Variants in PTPRR observed in about 807,000 individuals in gnomAD.
PTPRR encodes the protein protein tyrosine phosphatase receptor type R.
Under a neutral mutation model 77.2 loss-of-function variants are expected in PTPRR, and 38 were observed. The observed-to-expected ratio is 0.49, with a 90% confidence interval of 0.38 to 0.65. PTPRR has a LOEUF of 0.65. Ranked by LOEUF, PTPRR falls within the 30% of genes least tolerant of loss-of-function variation. The probability of loss-of-function intolerance (pLI) is 0.00; values close to 1 mark genes in which losing one functional copy is unlikely to be tolerated. For missense variants in PTPRR, 744 were observed against 799.2 expected (o/e 0.93, Z 0.83); for synonymous variants, 299 against 283.1 (o/e 1.06, Z -0.57).
intron 2 of PTPRR, among the ~76,000 whole-genome samples, chr12:70,871,745 A>G (rs923239081): frequency 2.0e-5 from 3 of 152,224 alleles, no homozygotes; most frequent in Non-Finnish European, 4.4e-5. Flanking sequence ...GAGTAAAATT[A>G]AAGACTTTAA....
intron 2 of PTPRR, among the ~76,000 whole-genome samples, chr12:70,798,111 G>T (rs536357253): frequency 6.6e-6 from 1 of 152,214 alleles, no homozygotes; most frequent in African/African-American, 2.4e-5. Flanking sequence ...TTTTAAACCT[G>T]TTATTCTAAC....
chr12:70,676,182 AT>A (rs528521375), intron 10 of PTPRR, among the ~76,000 whole-genome samples: 1 of 150,774 alleles, frequency 6.6e-6, no homozygotes, highest in Admixed American at 6.6e-5. Flanking sequence ...ACTCTTTTTT[AT>A]TTTTTTGTCA....
rs73341066 is a variant in PTPRR, at chr12:70,752,163, A to T, written c.738+2028T>A. ...TCTAGAGTAAAGACTTCAAGAAAAT[A>T]GGGATCTTATCTGTCTTGTTTTCTC... On this transcript the variant is annotated intron_variant, in intron 5 of 13. Transcript: ENST00000283228. 2.4e-3 allele frequency among the ~76,000 whole-genome samples: 368 copies of T among 152,284 alleles called. 4 individuals carry two copies. Among genetic ancestry groups the T allele is most frequent in the African/African-American group, 8.4e-3 (348 of 41,564 alleles).
intron 2 of PTPRR, among the ~76,000 whole-genome samples, chr12:70,793,384 T>G (rs554185602): frequency 1.3e-5 from 2 of 152,342 alleles, no homozygotes; most frequent in Non-Finnish European, 2.9e-5. Context: ...TTATCATTTT[T>G]AATCTTGTAC....
rs530124047 is a variant in PTPRR at position 70,908,457 on chromosome 12, T to C, written c.58+11876A>G. Among the ~76,000 whole-genome samples, 21 of 152,260 alleles carry C rather than the reference T, an allele frequency of 1.4e-4. No homozygotes were observed. The East Asian group carries it at 3.9e-3, about 28-fold the overall frequency. On this transcript the variant is annotated intron_variant, in intron 1 of 13. Transcript: ENST00000283228. ...GGAAGCAAACACATCCCTCTTCACATGGCAGCAGGTGAGAGAATGAGTGCC... is the reference window on the plus strand; with the variant it reads ...GGAAGCAAACACATCCCTCTTCACACGGCAGCAGGTGAGAGAATGAGTGCC...
Position 70,638,987 on chromosome 12 carries a change from G to A in PTPRR, c.*197C>T, listed in dbSNP as rs1173173437. On this transcript the variant is annotated 3_prime_UTR_variant, in exon 14 of 14. Coordinates refer to ENST00000283228, the MANE Select transcript of PTPRR (RefSeq NM_002849.4). ...CAAAAAACCTTCAGAATAATTTGGG[G>A]GATGCTTACAAATGCATTCATATAC... 3.5e-6 allele frequency: 2 copies of A among 574,438 alleles called. No individual in the cohort carries two copies. Among genetic ancestry groups the A allele is most frequent in the African/African-American group, 3.8e-5 (2 of 53,190 alleles). The allele number at this position is 574,438 out of a possible 1,614,324, so 35.6% of individuals were successfully genotyped here. A position where few individuals can be genotyped will look rare whatever the true frequency, so the allele number is the denominator to read the frequency against.
At position 70,847,530 on chromosome 12, in the gene PTPRR, C is replaced by A. The variant is rs371980819; in HGVS notation, c.357+45149G>T. Among the ~76,000 whole-genome samples the A allele has an allele frequency of 3.9e-5, 6 of 152,254 alleles. No homozygotes were observed. In the East Asian group the frequency reaches 9.7e-4, roughly 25 times the overall value. ...TGGGGCTGTGGATGTATAATTGCCACCTCCTTCAATTTGCTTGGTGAGGTT... is the reference window on the plus strand; with the variant it reads ...TGGGGCTGTGGATGTATAATTGCCAACTCCTTCAATTTGCTTGGTGAGGTT... On this transcript the variant is annotated intron_variant, in intron 2 of 13. Transcript: ENST00000283228.
intron 6 of PTPRR, among the ~76,000 whole-genome samples, chr12:70,714,352 C>A (rs1019960879): frequency 2.6e-5 from 4 of 152,144 alleles, no homozygotes; most frequent in African/African-American, 7.2e-5. Context: ...CCTAGTTCTT[C>A]CCGCCTCCTG....
chr12:70,752,349 G>A (rs531241197), intron 5 of PTPRR, among the ~76,000 whole-genome samples: 38 of 152,184 alleles, frequency 2.5e-4, no homozygotes, highest in Admixed American at 7.2e-4. Context: ...CGTTAGAGTC[G>A]ACTTCCCTAA....
intron 2 of PTPRR, among the ~76,000 whole-genome samples, chr12:70,865,716 T>C (rs1892832416): frequency 6.6e-6 from 1 of 152,206 alleles, no homozygotes; most frequent in Admixed American, 6.5e-5. Flanking sequence ...TCCTCTAAGA[T>C]GTATGTTAAT....
At position 70,728,578 on chromosome 12, in the gene PTPRR, C is replaced by A. The variant is rs547047566; in HGVS notation, c.1007+17240G>T. Among the ~76,000 whole-genome samples the A allele has an allele frequency of 3.8e-3, 486 of 129,392 alleles. 3 individuals are homozygous for A. Among genetic ancestry groups the A allele is most frequent in the African/African-American group, 0.013 (443 of 32,896 alleles). The allele number at this position is 129,392 out of a possible 152,430, so 84.9% of individuals were successfully genotyped here. The stretch of plus-strand genomic sequence containing the variant: ...ATATATATATATGCCAGTTGAGGAT[C>A]CCTAATCCAAAGATTCAAAATCTGA... On this transcript the variant is annotated intron_variant, in intron 6 of 13. Coordinates refer to ENST00000283228, the MANE Select transcript of PTPRR (RefSeq NM_002849.4).
chr12:70,767,572 G>T (rs9668236), intron 2 of PTPRR, among the ~76,000 whole-genome samples: 51,766 of 151,664 alleles, frequency 0.34, 10,102 homozygotes, highest in African/African-American at 0.53. Flanking sequence ...AATGGGAGAC[G>T]TTAACACCCC....
chr12:70,698,380 A>G (rs1405384567), intron 7 of PTPRR, 31 bp from the exon 8 acceptor site: 1 of 1,561,678 alleles, frequency 6.4e-7, no homozygotes, highest in South Asian at 1.1e-5. Context: ...AAATTAGTGT[A>G]TCTAATACTG....
chr12:70,682,986 C>G (rs555474182), intron 10 of PTPRR, among the ~76,000 whole-genome samples: 25 of 152,084 alleles, frequency 1.6e-4, no homozygotes, highest in African/African-American at 5.8e-4. Context: ...ATAACCTTAT[C>G]TACTGGCCAA....
chr12:70,694,931 T>C (rs980499848), intron 8 of PTPRR, among the ~76,000 whole-genome samples: 1 of 152,226 alleles, frequency 6.6e-6, no homozygotes, highest in Non-Finnish European at 1.5e-5. Flanking sequence ...TATTGATGTA[T>C]GATTGTTTTT....
intron 6 of PTPRR, among the ~76,000 whole-genome samples, chr12:70,719,130 G>A (rs974886128): frequency 2.0e-5 from 3 of 152,082 alleles, no homozygotes; most frequent in Non-Finnish European, 4.4e-5. Context: ...AATACGCTAC[G>A]GAAATCATTT....
At chr12:70,878,293 T>G (rs539820201) in intron 2 of PTPRR, among the ~76,000 whole-genome samples, 1 of 152,212 alleles carries the variant, frequency 6.6e-6, no homozygotes, top group African/African-American at 2.4e-5. Flanking sequence ...CAAAAGAAAC[T>G]ACCATCAGAG....
intron 6 of PTPRR, among the ~76,000 whole-genome samples, chr12:70,737,977 C>A (rs937972835): frequency 1.3e-5 from 2 of 152,130 alleles, no homozygotes; most frequent in Non-Finnish European, 2.9e-5. Flanking sequence ...CTTTAAGCAT[C>A]GAAATGTACC....
At chr12:70,780,377 C>A (rs2136996779) in intron 2 of PTPRR, among the ~76,000 whole-genome samples, 1 of 152,058 alleles carries the variant, frequency 6.6e-6, no homozygotes, top group South Asian at 2.1e-4. Flanking sequence ...TGTTAGTGCC[C>A]ATTTCTTGGT....
Sources: gnomAD v4.1 joint callset for allele counts (sites outside exome capture counted in the v4.1 genomes callset) on GRCh38, gnomAD v4.1.1 for gene constraint, MANE v1.5 for transcripts, NCBI Gene and HGNC (gene_info 2026-07-23, HGNC 2026-07-21) for gene names.